MCPH1: variants seen among roughly 807,000 people sequenced by gnomAD.
The protein encoded by MCPH1 is microcephalin.
Under a neutral mutation model 84.5 loss-of-function variants are expected in MCPH1, and 104 were observed. The observed-to-expected ratio is 1.23, with a 90% confidence interval of 1.05 to 1.45. MCPH1 has a LOEUF of 1.45. Among genes scored for constraint, MCPH1 ranks in the 40% most tolerant of loss-of-function variants. MCPH1 has a pLI of 0.00. For synonymous variants in MCPH1, 514 were observed against 366.8 expected, an observed-to-expected ratio of 1.40 and a Z score of -4.58; for missense variants, 1,498 against 1,005.7, an observed-to-expected ratio of 1.49 and a Z score of -6.62.
rs377522481 is a variant in MCPH1, at chr8:6,623,688, C to CAAAA, written c.2452+2024_2452+2027dup. 3.0e-3 allele frequency among the ~76,000 whole-genome samples: 275 copies of CAAAA among 92,330 alleles called. 36 individuals are homozygous for CAAAA. Among genetic ancestry groups the CAAAA allele is most frequent in the East Asian group, 3.9e-3 (10 of 2,568 alleles). The allele number at this position is 92,330 out of a possible 152,430, so 60.6% of individuals were successfully genotyped here. A position where few individuals can be genotyped will look rare whatever the true frequency, so the allele number is the denominator to read the frequency against. On this transcript the variant is annotated intron_variant, in intron 13 of 13. Coordinates refer to ENST00000344683, the MANE Select transcript of MCPH1 (RefSeq NM_024596.5). The stretch of plus-strand genomic sequence containing the variant: ...CATCTTTTGCCTGGAAACCAACTTC[C>CAAAA]AAAAAAAAAAAAAAAAAAAAAAAAA...
At chr8:6,418,956 T>G (rs545746704) in intron 3 of MCPH1, among the ~76,000 whole-genome samples, 1 of 152,300 alleles carries the variant, frequency 6.6e-6, no homozygotes, top group South Asian at 2.1e-4. Context: ...CTTGGCCTTT[T>G]CAACAGATTC....
intron 12 of MCPH1, chr8:6,616,034 G>A (rs1264991791): frequency 2.0e-5 from 3 of 152,180 alleles, no homozygotes; most frequent in African/African-American, 7.2e-5. Flanking sequence ...TGCACCCAGA[G>A]CTTGCATTAC....
chr8:6,538,816 A>G (rs1820976105), intron 12 of MCPH1, among the ~76,000 whole-genome samples: 2 of 152,216 alleles, frequency 1.3e-5, no homozygotes, highest in Non-Finnish European at 1.5e-5. Flanking sequence ...TTCTACATAT[A>G]CACCCTAGTA....
At chr8:6,413,757 T>TG (rs57003958) in intron 2 of MCPH1, among the ~76,000 whole-genome samples, 3,832 of 144,122 alleles carry the variant, frequency 0.027, 151 homozygotes, top group African/African-American at 0.079. Flanking sequence ...CAGTATCTTT[T>TG]TTTTTTTTTT....
rs202171226 is a variant in MCPH1, at chr8:6,580,678, C to CA, written c.2215-40767dup. On this transcript the variant is annotated intron_variant, in intron 12 of 13. Coordinates refer to ENST00000344683, the MANE Select transcript of MCPH1 (RefSeq NM_024596.5). ...CCACAAAAACAAAAACAAAACAAAA[C>CA]AAAAAAAAACTCAGAGTTGGAGAAG... Among the ~76,000 whole-genome samples, 658 of 150,954 alleles carry CA rather than the reference C, an allele frequency of 4.4e-3. 3 individuals carry two copies. The highest frequency in any genetic ancestry group is 0.015 in the African/African-American group (617 of 41,146).
At chr8:6,590,860 C>G (rs140669111) in intron 12 of MCPH1, among the ~76,000 whole-genome samples, 9 of 152,246 alleles carry the variant, frequency 5.9e-5, no homozygotes, top group African/African-American at 2.2e-4. Context: ...CTTTGGACCT[C>G]AAGGCCCTGG....
intron 9 of MCPH1, among the ~76,000 whole-genome samples, chr8:6,455,665 A>C (rs1014935375): frequency 3.3e-5 from 5 of 152,210 alleles, no homozygotes; most frequent in African/African-American, 1.2e-4. Context: ...TTTATATACT[A>C]ACACTCAGGT....
chr8:6,539,004 C>T (rs189364313), intron 12 of MCPH1, among the ~76,000 whole-genome samples: 3 of 148,676 alleles, frequency 2.0e-5, no homozygotes, highest in Admixed American at 6.8e-5. Flanking sequence ...ACTGGGCTCT[C>T]CTCCCCCTCC....
At chr8:6,618,416 T>C (rs1312984387) in intron 12 of MCPH1, 1 of 152,262 alleles carries the variant, frequency 6.6e-6, no homozygotes, top group African/African-American at 2.4e-5. Context: ...AGTCACATCC[T>C]AAACATTCGA....
chr8:6,557,565 G>A (rs1017441133), intron 12 of MCPH1, among the ~76,000 whole-genome samples: 2 of 152,162 alleles, frequency 1.3e-5, no homozygotes, highest in Admixed American at 1.3e-4. Flanking sequence ...GGTGTTGGCT[G>A]TCTAGATGGG....
intron 12 of MCPH1, among the ~76,000 whole-genome samples, chr8:6,579,274 C>A (rs368108937): frequency 3.9e-4 from 59 of 152,332 alleles, no homozygotes; most frequent in African/African-American, 1.3e-3. Context: ...GTGTCTGATG[C>A]GTGAGTTCGC....
chr8:6,427,517 G>A (rs1266717888), intron 3 of MCPH1, among the ~76,000 whole-genome samples: 2 of 152,014 alleles, frequency 1.3e-5, no homozygotes, highest in African/African-American at 2.4e-5. Flanking sequence ...GACTACAGGC[G>A]TGTGCCACTA....
At chr8:6,541,401 G>A (rs764863812) in intron 12 of MCPH1, among the ~76,000 whole-genome samples, 21 of 152,176 alleles carry the variant, frequency 1.4e-4, no homozygotes, top group Non-Finnish European at 2.8e-4. Flanking sequence ...AGTCAGCAGC[G>A]CTGGAGAGGA....
chr8:6,620,171 G>C (rs1831262881), intron 12 of MCPH1: 1 of 152,230 alleles, frequency 6.6e-6, no homozygotes, highest in Non-Finnish European at 1.5e-5. Flanking sequence ...TGCCCCTGCT[G>C]CCACTGTCTC....
In MCPH1 at chr8:6,444,537, A is replaced by C; in HGVS notation, c.815A>C (p.Asn272Thr). ...VCISSLVLKA[N>T]NIHSSPSFTH... ...ATTTCTTCACTTGTATTGAAAGCAAATAATATTCATTCATCACCATCTTTC... is the reference window on the plus strand; with the variant it reads ...ATTTCTTCACTTGTATTGAAAGCAACTAATATTCATTCATCACCATCTTTC... Residue 272 changes from asparagine to threonine, a missense_variant, in exon 8 of 14, where the codon AAT becomes ACT. Physicochemically the swap from Asn to Thr is moderately conservative, Grantham distance 65. Transcript: ENST00000344683. 1 of 1,614,214 alleles carries C rather than the reference A, an allele frequency of 6.2e-7. No individual in the cohort carries two copies. The highest frequency in any genetic ancestry group is 8.5e-7 in the Non-Finnish European group (1 of 1,180,028).
chr8:6,555,758 C>T (rs1007929235), intron 12 of MCPH1, among the ~76,000 whole-genome samples: 1 of 152,198 alleles, frequency 6.6e-6, no homozygotes, highest in Non-Finnish European at 1.5e-5. Context: ...CCACTGCACC[C>T]AGCCACATAA....
At chr8:6,604,101 A>T (rs1829573826) in intron 12 of MCPH1, among the ~76,000 whole-genome samples, 1 of 151,368 alleles carries the variant, frequency 6.6e-6, no homozygotes, top group African/African-American at 2.4e-5. Flanking sequence ...TGGCCTCTGG[A>T]TGGGGACTGG....
intron 9 of MCPH1, among the ~76,000 whole-genome samples, chr8:6,472,243 G>A (rs900256878): frequency 5.6e-4 from 85 of 152,110 alleles, no homozygotes; most frequent in African/African-American, 2.0e-3. Context: ...ATCACATCAA[G>A]AGGGTTATTT....
chr8:6,511,985 C>T (rs147315191), intron 12 of MCPH1, among the ~76,000 whole-genome samples: 3 of 151,342 alleles, frequency 2.0e-5, no homozygotes, highest in East Asian at 1.9e-4. Flanking sequence ...AAAACACTGA[C>T]CAACCACTTG....
Sources: allele counts gnomAD v4.1 joint callset (sites outside exome capture counted in the v4.1 genomes callset), GRCh38; gene constraint gnomAD v4.1.1; transcripts MANE v1.5; gene names NCBI Gene and HGNC (gene_info 2026-07-23, HGNC 2026-07-21).